Variants in HIPK3 observed in about 807,000 individuals in gnomAD.
HIPK3 encodes the protein homeodomain interacting protein kinase 3, also known as homeodomain-interacting protein kinase 3.
In HIPK3, 47 loss-of-function variants were observed where a neutral mutation model predicts 124.2. The ratio of observed to expected loss-of-function variants is 0.38; its 90% CI spans 0.30 to 0.48. The LOEUF is 0.48. Ranked by LOEUF, HIPK3 falls within the 20% of genes least tolerant of loss-of-function variation. HIPK3 has a pLI of 0.98. For missense variants in HIPK3, 1,286 were observed against 1,454.3 expected (o/e 0.88, Z 1.88); for synonymous variants, 482 against 515.2 (o/e 0.94, Z 0.87).
intron 3 of HIPK3, among the ~76,000 whole-genome samples, chr11:33,333,293 C>T (rs879757166): frequency 6.6e-6 from 1 of 152,168 alleles, no homozygotes; most frequent in Non-Finnish European, 1.5e-5. Context: ...TTCACTGGTA[C>T]TGGACCATCA....
rs1043653162 is a variant in HIPK3 at position 33,356,619 on chromosome 11, A to G, written c.*3051A>G. The G allele has an allele frequency of 2.6e-5, 4 of 152,126 alleles. No individual in the cohort carries two copies. The highest frequency in any genetic ancestry group is 9.6e-5 in the African/African-American group (4 of 41,464). The allele number at this position is 152,126 out of a possible 1,614,324, so 9.4% of individuals were successfully genotyped here. Reference sequence around the variant, plus strand: ...TTGGACTGTGTTAAGTAAAAGTTAAATCATACACTGCAAGGTGTAGGAAGA... The same window carrying G: ...TTGGACTGTGTTAAGTAAAAGTTAAGTCATACACTGCAAGGTGTAGGAAGA... On this transcript the variant is annotated 3_prime_UTR_variant, in exon 17 of 17. Coordinates refer to ENST00000303296, the MANE Select transcript of HIPK3 (RefSeq NM_005734.5).
chr11:33,266,151 A>G (rs1850957689), intron 1 of HIPK3, among the ~76,000 whole-genome samples: 1 of 151,452 alleles, frequency 6.6e-6, no homozygotes, highest in East Asian at 1.9e-4. Context: ...GAACGAAGAG[A>G]CTAACACGTG....
intron 1 of HIPK3, among the ~76,000 whole-genome samples, chr11:33,273,689 C>T (rs1851200078): frequency 6.6e-6 from 1 of 151,608 alleles, no homozygotes; most frequent in Non-Finnish European, 1.5e-5. Context: ...ATATTAGGAC[C>T]CTATAGGATC....
At chr11:33,339,261 T>C in intron 5 of HIPK3, 89 bp from the exon 6 acceptor site, 6 of 921,132 alleles carry the variant, frequency 6.5e-6, no homozygotes, top group Non-Finnish European at 1.0e-5. Context: ...TCCTGTGTTG[T>C]GATTTTTGTT....
In HIPK3 at chr11:33,322,461, ATAG is replaced by A. The variant is rs369062009; in HGVS notation, c.1098-6048_1098-6046del. 2.2e-3 allele frequency among the ~76,000 whole-genome samples: 334 copies of A among 152,320 alleles called. 2 individuals carry two copies. Among genetic ancestry groups the A allele is most frequent in the African/African-American group, 7.8e-3 (324 of 41,578 alleles). On this transcript the variant is annotated intron_variant, in intron 2 of 16. Transcript: ENST00000303296. Reference sequence around the variant, plus strand: ...AGTGGCCTAGAGGTTTGAAAAATGAATAGGACAAGATTAGCTCAATCATAAAGG... The same window carrying A: ...AGTGGCCTAGAGGTTTGAAAAATGAAGACAAGATTAGCTCAATCATAAAGG...
chr11:33,295,493 C>T (rs796662883), intron 2 of HIPK3, among the ~76,000 whole-genome samples: 1 of 152,240 alleles, frequency 6.6e-6, no homozygotes, highest in Non-Finnish European at 1.5e-5. Flanking sequence ...TATGTTGCGT[C>T]GTTATGAAAC....
chr11:33,277,507 T>C (rs369866885), intron 1 of HIPK3, among the ~76,000 whole-genome samples: 13 of 152,354 alleles, frequency 8.5e-5, no homozygotes, highest in Middle Eastern at 3.4e-3. Flanking sequence ...TACATAAATA[T>C]ATAATAATTG....
intron 2 of HIPK3, among the ~76,000 whole-genome samples, chr11:33,306,227 G>A (rs1193147899): frequency 6.6e-6 from 1 of 152,042 alleles, no homozygotes; most frequent in African/African-American, 2.4e-5. Context: ...TTGAGTAATA[G>A]TAAAATGAAA....
intron 2 of HIPK3, among the ~76,000 whole-genome samples, chr11:33,320,827 G>T (rs1314374729): frequency 6.6e-6 from 1 of 152,178 alleles, no homozygotes; most frequent in East Asian, 1.9e-4. Flanking sequence ...AACACATTCA[G>T]TTTGAGATGC....
At chr11:33,272,199 AC>A (rs1204949311) in intron 1 of HIPK3, among the ~76,000 whole-genome samples, 1 of 152,052 alleles carries the variant, frequency 6.6e-6, no homozygotes, top group East Asian at 1.9e-4. Flanking sequence ...GGAGTTAGAG[AC>A]CAGCCTGGCC....
chr11:33,322,848 A>ATAC (rs1852704806), intron 2 of HIPK3, among the ~76,000 whole-genome samples: 1 of 152,138 alleles, frequency 6.6e-6, no homozygotes, highest in African/African-American at 2.4e-5. Context: ...TAGAAAAACG[A>ATAC]GTGGCCACTG....
intron 1 of HIPK3, among the ~76,000 whole-genome samples, chr11:33,260,347 T>A (rs926247216): frequency 6.6e-6 from 1 of 152,216 alleles, no homozygotes; most frequent in African/African-American, 2.4e-5. Flanking sequence ...ATTGAACTTT[T>A]GTTTTTAATA....
intron 5 of HIPK3, 52 bp from the exon 6 acceptor site, chr11:33,339,298 T>C (rs776944505): frequency 4.4e-5 from 61 of 1,391,086 alleles, no homozygotes; most frequent in Non-Finnish European, 5.7e-5. Context: ...GAATTTATAC[T>C]ACTCTCTGTG....
At position 33,266,732 on chromosome 11, in the gene HIPK3, C is replaced by T. The variant is rs186891024; in HGVS notation, c.-3+8843C>T. ...ATCTCAAAAACAAACAAACAAAAAACCAAAAAACCCTAATTTTTAACTTTA... is the reference window on the plus strand; with the variant it reads ...ATCTCAAAAACAAACAAACAAAAAATCAAAAAACCCTAATTTTTAACTTTA... On this transcript the variant is annotated intron_variant, in intron 1 of 16. Transcript: ENST00000303296. 3.6e-4 allele frequency among the ~76,000 whole-genome samples: 54 copies of T among 152,048 alleles called. No homozygotes were observed. In the East Asian group the frequency reaches 7.7e-3, roughly 22 times the overall value.
chr11:33,300,559 C>CTTTA (rs1365554825), intron 2 of HIPK3, among the ~76,000 whole-genome samples: 1 of 152,094 alleles, frequency 6.6e-6, no homozygotes, highest in Admixed American at 6.6e-5. Flanking sequence ...CTGTTGCACA[C>CTTTA]TTAATAGACT....
intron 1 of HIPK3, among the ~76,000 whole-genome samples, chr11:33,277,471 A>G (rs1236659797): frequency 6.6e-6 from 1 of 152,188 alleles, no homozygotes; most frequent in Non-Finnish European, 1.5e-5. Flanking sequence ...TTGACCTAAC[A>G]ATTGGTATAT....
chr11:33,314,701 TACTC>T (rs777421600), intron 2 of HIPK3, among the ~76,000 whole-genome samples: 1 of 152,246 alleles, frequency 6.6e-6, no homozygotes, highest in South Asian at 2.1e-4. Context: ...CTCTAATAAG[TACTC>T]AATCAACATT....
chr11:33,322,302 A>G (rs1202157471), intron 2 of HIPK3, among the ~76,000 whole-genome samples: 1 of 152,132 alleles, frequency 6.6e-6, no homozygotes, highest in East Asian at 1.9e-4. Flanking sequence ...CCTGGCCATT[A>G]CATTCCCAAC....
chr11:33,338,913 A>C, intron 5 of HIPK3, 70 bp downstream of exon 5: 1 of 1,029,150 alleles, frequency 9.7e-7, no homozygotes, highest in Non-Finnish European at 1.5e-6. Flanking sequence ...AGGGGCCCAA[A>C]ACATGTTACT....
Sources: allele counts gnomAD v4.1 joint callset (sites outside exome capture counted in the v4.1 genomes callset), GRCh38; gene constraint gnomAD v4.1.1; transcripts MANE v1.5; gene names NCBI Gene and HGNC (gene_info 2026-07-23, HGNC 2026-07-21).